SPA17: variants seen among roughly 807,000 people sequenced by gnomAD.
SPA17 encodes sperm surface protein Sp17.
Under a neutral mutation model 13.8 loss-of-function variants are expected in SPA17, and 7 were observed. That is an observed-to-expected ratio of 0.51 (90% CI 0.29 to 0.95). The LOEUF (loss-of-function observed/expected upper bound fraction) is 0.95, where lower values mean the gene tolerates loss of function less well. SPA17 is among the 40% of genes least tolerant of loss of function. The pLI is 0.08. For missense variants in SPA17, 170 were observed against 179.3 expected (o/e 0.95, Z 0.30); for synonymous variants, 61 against 59.0 (o/e 1.03, Z -0.16).
Position 124,696,881 on chromosome 11 carries a change from T to C in SPA17, c.*2435T>C, listed in dbSNP as rs1029801580. 6.6e-6 allele frequency: 1 copy of C among 152,184 alleles called. No homozygotes were observed. The highest frequency in any genetic ancestry group is 6.5e-5 in the Admixed American group (1 of 15,284). The allele number at this position is 152,184 out of a possible 1,614,324, so 9.4% of individuals were successfully genotyped here. A position where few individuals can be genotyped will look rare whatever the true frequency, so the allele number is the denominator to read the frequency against. On this transcript the variant is annotated 3_prime_UTR_variant, in exon 5 of 5. Transcript: ENST00000227135. ...GTCTATAGGCATCTCAAAAGTAACA[T>C]ATAAAAAATGAATCCTGATATTGCC...
At position 124,688,519 on chromosome 11, in the gene SPA17, G is replaced by A. The variant is rs117184400; in HGVS notation, c.226-3177G>A. ...CTTTAAAAAACACATAGGAGTAAAC[G>A]TAACCAAGGAGGTGAAAAAGCTGTA... On this transcript the variant is annotated intron_variant, in intron 3 of 4. Coordinates refer to ENST00000227135, the MANE Select transcript of SPA17 (RefSeq NM_017425.4). Among the ~76,000 whole-genome samples, 514 of 152,130 alleles carry A rather than the reference G, an allele frequency of 3.4e-3. 2 individuals are homozygous for A. The highest frequency in any genetic ancestry group is 0.019 in the South Asian group (90 of 4,822).
chr11:124,691,605 A>G, intron 3 of SPA17, 91 bp from the exon 4 acceptor site: 1 of 606,834 alleles, frequency 1.6e-6, no homozygotes, highest in Non-Finnish European at 2.7e-6. Context: ...TCAGTAATTT[A>G]AAGTAATGTT....
At chr11:124,675,105 G>A (rs894571614) in intron 1 of SPA17, 133 bp from the exon 2 acceptor site, 11 of 834,334 alleles carry the variant, frequency 1.3e-5, no homozygotes, top group Admixed American at 3.1e-5. Context: ...AAATGGATGG[G>A]CTTGGGTTGT....
intron 2 of SPA17, among the ~76,000 whole-genome samples, chr11:124,676,924 T>C (rs1943471573): frequency 6.6e-6 from 1 of 152,194 alleles, no homozygotes; most frequent in African/African-American, 2.4e-5. Context: ...ACTAAAATTA[T>C]TTGGGAAAAG....
In SPA17 at chr11:124,696,577, A is replaced by G. The variant is rs924292123; in HGVS notation, c.*2131A>G. The stretch of plus-strand genomic sequence containing the variant: ...CAATGGATGTGATATTATGAGAACA[A>G]CACATATGAATGACACTTTATTAGA... On this transcript the variant is annotated 3_prime_UTR_variant, in exon 5 of 5. Coordinates refer to ENST00000227135, the MANE Select transcript of SPA17 (RefSeq NM_017425.4). 6.6e-6 allele frequency: 1 copy of G among 152,198 alleles called. No individual in the cohort carries two copies. Among genetic ancestry groups the G allele is most frequent in the Non-Finnish European group, 1.5e-5 (1 of 68,048 alleles). The allele number at this position is 152,198 out of a possible 1,614,324, so 9.4% of individuals were successfully genotyped here. A position where few individuals can be genotyped will look rare whatever the true frequency, so the allele number is the denominator to read the frequency against.
chr11:124,674,542 A>G (rs989053980), intron 1 of SPA17: 1 of 152,268 alleles, frequency 6.6e-6, no homozygotes, highest in Non-Finnish European at 1.5e-5. Context: ...CCCGCTGCTT[A>G]GCAGCTACCC....
At position 124,695,492 on chromosome 11, in the gene SPA17, C is replaced by T. The variant is rs10219424; in HGVS notation, c.*1046C>T. On this transcript the variant is annotated 3_prime_UTR_variant, in exon 5 of 5. Coordinates refer to ENST00000227135, the MANE Select transcript of SPA17 (RefSeq NM_017425.4). Reference sequence around the variant, plus strand: ...CTAGTGCCTTAGTTTTAGAAAGTTCCGTCTCTCCTTTTTGAGGCCTCTCCA... The same window carrying T: ...CTAGTGCCTTAGTTTTAGAAAGTTCTGTCTCTCCTTTTTGAGGCCTCTCCA... 6.6e-6 allele frequency: 1 copy of T among 152,022 alleles called. No homozygotes were observed. The highest frequency in any genetic ancestry group is 1.5e-5 in the Non-Finnish European group (1 of 68,010). 9.4% of individuals were successfully genotyped at this position (152,022 alleles called of 1,614,324 possible).
In SPA17 at chr11:124,687,274, A is replaced by T. The variant is rs144073665; in HGVS notation, c.226-4422A>T. ...CTGAACAGACTAATAACGAGTAGCA[A>T]GATTGATTCCATAATAAAAATCTCC... is the stretch of plus-strand genomic sequence containing the variant. On this transcript the variant is annotated intron_variant, in intron 3 of 4. Coordinates refer to ENST00000227135, the MANE Select transcript of SPA17 (RefSeq NM_017425.4). Among the ~76,000 whole-genome samples, 6 of 152,256 alleles carry T rather than the reference A, an allele frequency of 3.9e-5. No individual in the cohort carries two copies. The East Asian group carries it at 1.2e-3, about 29-fold the overall frequency.
chr11:124,692,536 C>T (rs892204313), intron 4 of SPA17, among the ~76,000 whole-genome samples: 3 of 152,000 alleles, frequency 2.0e-5, no homozygotes, highest in South Asian at 2.1e-4. Flanking sequence ...GCCAAGATCA[C>T]GCCACTGCAC....
rs1943678386 is a variant in SPA17, at chr11:124,696,869, T to A, written c.*2423T>A. On this transcript the variant is annotated 3_prime_UTR_variant, in exon 5 of 5. Coordinates refer to ENST00000227135, the MANE Select transcript of SPA17 (RefSeq NM_017425.4). The stretch of plus-strand genomic sequence containing the variant: ...CCCCATTTGGATGTCTATAGGCATC[T>A]CAAAAGTAACATATAAAAAATGAAT... 1 of 152,218 alleles carries A rather than the reference T, an allele frequency of 6.6e-6. No homozygotes were observed. Among genetic ancestry groups the A allele is most frequent in the Admixed American group, 6.5e-5 (1 of 15,288 alleles). The allele number at this position is 152,218 out of a possible 1,614,324, so 9.4% of individuals were successfully genotyped here.
Position 124,696,159 on chromosome 11 carries a change from T to G in SPA17, c.*1713T>G, listed in dbSNP as rs1235186104. 2 of 152,280 alleles carry G rather than the reference T, an allele frequency of 1.3e-5. No individual in the cohort carries two copies. The highest frequency in any genetic ancestry group is 1.3e-4 in the Admixed American group (2 of 15,274). 9.4% of individuals were successfully genotyped at this position (152,280 alleles called of 1,614,324 possible). ...TCTAATATCCCCCTTCCTCTCCTCC[T>G]TAACCCCTCTCCTCCAGGCTTACAG... On this transcript the variant is annotated 3_prime_UTR_variant, in exon 5 of 5. Transcript: ENST00000227135.
chr11:124,694,211 C>T (rs901297273), intron 4 of SPA17, 92 bp from the exon 5 acceptor site: 9 of 1,488,552 alleles, frequency 6.0e-6, no homozygotes, highest in Non-Finnish European at 7.3e-6. Flanking sequence ...TAGTTGCATC[C>T]CTAAAATGAT....
intron 3 of SPA17, 48 bp downstream of exon 3, chr11:124,681,507 T>A (rs540339821): frequency 7.1e-7 from 1 of 1,412,524 alleles, no homozygotes; most frequent in East Asian, 2.6e-5. Context: ...TCTCTCTGTC[T>A]ACAGCTAGCA....
At chr11:124,691,590 A>G in intron 3 of SPA17, 106 bp from the exon 4 acceptor site, 1 of 516,406 alleles carries the variant, frequency 1.9e-6, no homozygotes, top group Non-Finnish European at 3.3e-6. Flanking sequence ...AATTCCCCCT[A>G]TTTCTCAGTA....
chr11:124,695,401 G>A lies in SPA17; in HGVS notation c.*955G>A, dbSNP rs1460537484. On this transcript the variant is annotated 3_prime_UTR_variant, in exon 5 of 5. Transcript: ENST00000227135. Reference sequence around the variant, plus strand: ...TTCCCAAGTTTTTAAATATACAATGGTAATGCCTGTTTAACAAACTCAGAG... The same window carrying A: ...TTCCCAAGTTTTTAAATATACAATGATAATGCCTGTTTAACAAACTCAGAG... 1 of 151,978 alleles carries A rather than the reference G, an allele frequency of 6.6e-6. No individual in the cohort carries two copies. The highest frequency in any genetic ancestry group is 1.5e-5 in the Non-Finnish European group (1 of 68,040). 9.4% of individuals were successfully genotyped at this position (151,978 alleles called of 1,614,324 possible).
At chr11:124,680,515 A>G (rs1821556719) in intron 2 of SPA17, among the ~76,000 whole-genome samples, 2 of 152,226 alleles carry the variant, frequency 1.3e-5, no homozygotes, top group African/African-American at 4.8e-5. Flanking sequence ...TTTAAAAGAC[A>G]TACAAAGAGC....
At chr11:124,682,870 T>A (rs1368254412) in intron 3 of SPA17, among the ~76,000 whole-genome samples, 2 of 148,562 alleles carry the variant, frequency 1.3e-5, no homozygotes, top group Non-Finnish European at 3.0e-5. Context: ...CATCCAGATA[T>A]AGGCGGTGCA....
chr11:124,686,249 C>T (rs956828760), intron 3 of SPA17, among the ~76,000 whole-genome samples: 1 of 151,764 alleles, frequency 6.6e-6, no homozygotes, highest in Non-Finnish European at 1.5e-5. Flanking sequence ...CATTCTCTCT[C>T]TTGCCACCCT....
Position 124,691,747 on chromosome 11 carries a change from T to A in SPA17, c.277T>A (p.Ser93Thr), listed in dbSNP as rs759999641. ...TCCTAAACAAGAAGAGTCTCAGATA[T>A]CTGGGAAGGAGGAAGAGACATCAGT... is the stretch of plus-strand genomic sequence containing the variant. Reference protein sequence around the residue: ...SDPKQEESQISGKEEETSVTI... With the variant: ...SDPKQEESQITGKEEETSVTI... Residue 93 changes from serine (S) to threonine (T), a missense_variant, in exon 4 of 5, where the codon TCT becomes ACT. By Grantham distance (58) the Ser-to-Thr change is moderately conservative (BLOSUM62 1). Transcript: ENST00000227135. The A allele has an allele frequency of 1.2e-6, 2 of 1,612,416 alleles. No individual in the cohort carries two copies. The highest frequency in any genetic ancestry group is 8.5e-7 in the Non-Finnish European group (1 of 1,179,354).
Sources: gnomAD v4.1 joint callset for allele counts (sites outside exome capture counted in the v4.1 genomes callset) on GRCh38, gnomAD v4.1.1 for gene constraint, MANE v1.5 for transcripts, NCBI Gene and HGNC (gene_info 2026-07-23, HGNC 2026-07-21) for gene names.